The following ZNF444 variants were observed in gnomAD, a reference collection of about 807,000 sequenced individuals.
ZNF444 encodes zinc finger protein 444.
A neutral mutation model predicts 14.4 loss-of-function variants in ZNF444; 8 were observed. That is an observed-to-expected ratio of 0.56 (90% CI 0.33 to 1.00). The LOEUF (loss-of-function observed/expected upper bound fraction) is 1.00, where lower values mean the gene tolerates loss of function less well. ZNF444 is among the 50% of genes least tolerant of loss of function. The pLI, the probability that ZNF444 is intolerant of heterozygous loss-of-function variation, is 0.03. For missense variants in ZNF444, 510 were observed against 504.8 expected, an observed-to-expected ratio of 1.01 and a Z score of -0.10; for synonymous variants, 258 against 235.9, an observed-to-expected ratio of 1.09 and a Z score of -0.86.
intron 3 of ZNF444, chr19:56,156,383 C>G (rs1016043284): frequency 2.6e-5 from 4 of 152,188 alleles, no homozygotes; most frequent in African/African-American, 9.7e-5. Context: ...CGGGTGTGAT[C>G]GAATCCGAGT....
rs1555784078 is a variant in ZNF444 at position 56,159,911 on chromosome 19, AG to A, written c.695del (p.Ser232ThrfsTer80). 7.3e-7 allele frequency: 1 copy of A among 1,376,368 alleles called. No individual in the cohort carries two copies. The allele number at this position is 1,376,368 out of a possible 1,614,324, so 85.3% of individuals were successfully genotyped here. ...GCGCCACCGCGACACGCACCCCGGCAGCCCCGGCAGCCCCGGGCCCGCGCTG... is the reference window on the plus strand; with the variant it reads ...GCGCCACCGCGACACGCACCCCGGCACCCCGGCAGCCCCGGGCCCGCGCTG... ...LRRHRDTHPG[S>X]PGSPGPALRP... On this transcript the variant is annotated frameshift_variant, in exon 5 of 5. Transcript: ENST00000337080. LOFTEE classifies it low-confidence loss of function (END_TRUNC).
rs563970621 is a variant in ZNF444 at position 56,134,274 on chromosome 19, C to T, written c.-197+1496C>T. On this transcript the variant is annotated intron_variant, in intron 1 of 2. Transcript: ENST00000587467. ...AATTATAGCAGAGCTACAAAGGAGC[C>T]GAGAAGCTAGAAGGTATGAGCTAAA... is the stretch of plus-strand genomic sequence containing the variant. Among the ~76,000 whole-genome samples the T allele has an allele frequency of 3.3e-5, 5 of 152,166 alleles. No individual in the cohort carries two copies. In the South Asian group the frequency reaches 8.3e-4, roughly 25 times the overall value.
chr19:56,142,918 G>T (rs998840024), intron 1 of ZNF444, among the ~76,000 whole-genome samples: 2 of 152,140 alleles, frequency 1.3e-5, no homozygotes, highest in Non-Finnish European at 2.9e-5. Flanking sequence ...CCCATTTGTG[G>T]CTCCTTCACT....
At position 56,159,602 on chromosome 19, in the gene ZNF444, C is replaced by T. The variant is rs774442673; in HGVS notation, c.407-22C>T. The T allele has an allele frequency of 1.0e-4, 145 of 1,423,658 alleles. No homozygotes were observed. In the African/African-American group the frequency reaches 1.0e-3, roughly 10 times the overall value. 88.2% of individuals were successfully genotyped at this position (1,423,658 alleles called of 1,614,324 possible). A position where few individuals can be genotyped will look rare whatever the true frequency, so the allele number is the denominator to read the frequency against. ...CCCCGCCCTCGTGCCGACCCAGATG[C>T]TGACTCTCTTTCTTTTCCCAGCAGG... On this transcript the variant is annotated intron_variant, in intron 4 of 4. Coordinates refer to ENST00000337080, the MANE Select transcript of ZNF444 (RefSeq NM_018337.4).
intron 3 of ZNF444, chr19:56,154,594 C>G (rs1721370570): frequency 6.6e-6 from 1 of 150,954 alleles, no homozygotes; most frequent in Non-Finnish European, 1.5e-5. Context: ...CCCCCACCCC[C>G]ACCCCCAACC....
In ZNF444 at chr19:56,147,310, T is replaced by C; in HGVS notation, c.297+102T>C. ...GCACCACTGAACCCCTGAAAACCAG[T>C]GTGACTCGCGGTGGGGAGGCTGCGG... On this transcript the variant is annotated intron_variant, in intron 3 of 4. Coordinates refer to ENST00000337080, the MANE Select transcript of ZNF444 (RefSeq NM_018337.4). This position sits in a 1 kb window ranked among gnomAD's most constrained non-coding sequence, Gnocchi z 5.9. The C allele has an allele frequency of 1.5e-6, 2 of 1,303,454 alleles. No homozygotes were observed. Among genetic ancestry groups the C allele is most frequent in the Non-Finnish European group, 2.0e-6 (2 of 1,008,436 alleles). The allele number at this position is 1,303,454 out of a possible 1,614,324, so 80.7% of individuals were successfully genotyped here.
rs768929499 is a variant in ZNF444 at position 56,160,054 on chromosome 19, C to T, written c.837C>T (p.Ala279=). The part of the protein sequence containing the change: ...RKTHSGARPF[A]CWECGKGFGR... ...CGCACTCGGGAGCGCGGCCCTTTGC[C>T]TGCTGGGAGTGTGGCAAGGGCTTCG... Residue 279 remains alanine, a synonymous_variant, in exon 5 of 5, where the codon GCC becomes GCT. Transcript: ENST00000337080. The T allele has an allele frequency of 2.7e-6, 4 of 1,506,312 alleles. No homozygotes were observed. The highest frequency in any genetic ancestry group is 2.4e-5 in the South Asian group (2 of 81,868). The allele number at this position is 1,506,312 out of a possible 1,614,324, so 93.3% of individuals were successfully genotyped here. A position where few individuals can be genotyped will look rare whatever the true frequency, so the allele number is the denominator to read the frequency against.
At position 56,159,658 on chromosome 19, in the gene ZNF444, T is replaced by C; in HGVS notation, c.441T>C (p.Pro147=). The change falls in exon 5 of 5, where the codon CCT becomes CCC. Residue 147 remains proline, a synonymous_variant. Transcript: ENST00000337080. The part of the protein sequence containing the change: ...GTAPGAEGPA[P]GDSQAVRPYK... ...CCCCTGGGGCTGAGGGGCCGGCGCC[T>C]GGGGACTCCCAGGCTGTGCGCCCCT... The C allele has an allele frequency of 2.0e-6, 3 of 1,471,208 alleles. No individual in the cohort carries two copies. The South Asian group carries it at 3.9e-5, about 19-fold the overall frequency. The allele number at this position is 1,471,208 out of a possible 1,614,324, so 91.1% of individuals were successfully genotyped here. A position where few individuals can be genotyped will look rare whatever the true frequency, so the allele number is the denominator to read the frequency against.
chr19:56,150,702 T>C (rs567935782), intron 3 of ZNF444, among the ~76,000 whole-genome samples: 9 of 152,380 alleles, frequency 5.9e-5, no homozygotes, highest in East Asian at 1.9e-4. Flanking sequence ...GCGATAGCCA[T>C]TGTAGCTGAC....
chr19:56,153,884 T>C (rs746371099), intron 3 of ZNF444, among the ~76,000 whole-genome samples: 1 of 152,140 alleles, frequency 6.6e-6, no homozygotes, highest in South Asian at 2.1e-4. Context: ...AGCTGTTCAA[T>C]GTAGAAGCCA....
chr19:56,138,845 G>A (rs1364638602), upstream of ZNF444, among the ~76,000 whole-genome samples: 2 of 125,846 alleles, frequency 1.6e-5, no homozygotes, highest in Non-Finnish European at 3.2e-5. Flanking sequence ...TGCCCGGACT[G>A]AAGTGCAGCG....
chr19:56,140,685 CAAA>C (rs3834637), upstream of ZNF444, among the ~76,000 whole-genome samples: 2 of 150,158 alleles, frequency 1.3e-5, no homozygotes, highest in African/African-American at 4.9e-5. Context: ...AGAGGGAGGA[CAAA>C]AAAAAATGCG....
intron 1 of ZNF444, among the ~76,000 whole-genome samples, chr19:56,132,948 T>C (rs1599977634): frequency 7.5e-6 from 1 of 133,622 alleles, no homozygotes; most frequent in Admixed American, 7.5e-5. Context: ...TTTTTTTTTT[T>C]TTTTTTTGAG....
In ZNF444 at chr19:56,158,448, G is replaced by A. The variant is rs2032040229; in HGVS notation, c.298-46G>A. On this transcript the variant is annotated intron_variant, in intron 3 of 4. Transcript: ENST00000337080. ...GGTGGTTGGGAGAGGGAGAAATAGA[G>A]GCCCTTGCTCAGGTTTCTGAGTTCA... is the stretch of plus-strand genomic sequence containing the variant. The A allele has an allele frequency of 4.6e-6, 7 of 1,524,456 alleles. No individual in the cohort carries two copies. In the East Asian group the frequency reaches 1.2e-4, roughly 26 times the overall value. 94.4% of individuals were successfully genotyped at this position (1,524,456 alleles called of 1,614,324 possible).
At chr19:56,132,626 G>C (rs1380825194) in exon 1 of ZNF444, 6 of 152,212 alleles carry the variant, frequency 3.9e-5, no homozygotes, top group Admixed American at 6.5e-5. Flanking sequence ...TCCAACCGGA[G>C]AGATTTCTCT....
chr19:56,148,387 C>T (rs2031340743), intron 3 of ZNF444, among the ~76,000 whole-genome samples: 1 of 152,080 alleles, frequency 6.6e-6, no homozygotes, highest in Non-Finnish European at 1.5e-5. Context: ...GCGTGTTCCT[C>T]ATAAGTGCGT....
upstream of ZNF444, chr19:56,141,119 C>A (rs1471690753): frequency 6.6e-6 from 1 of 151,866 alleles, no homozygotes; most frequent in African/African-American, 2.4e-5. Context: ...AGGCGGTCCC[C>A]AGGCGAGGGC....
At chr19:56,156,144 T>C (rs868745350) in intron 3 of ZNF444, 1 of 152,242 alleles carries the variant, frequency 6.6e-6, no homozygotes, top group African/African-American at 2.4e-5. Context: ...GAGAGCCACG[T>C]ATGGTGAGGT....
At chr19:56,137,106 T>C (rs553049068), upstream of ZNF444, among the ~76,000 whole-genome samples, 166 of 151,170 alleles carry the variant, frequency 1.1e-3, no homozygotes, top group African/African-American at 3.9e-3. Context: ...TCTAACAAGC[T>C]CCCAGGTGAT....
Sources: gnomAD v4.1 joint callset for allele counts (sites outside exome capture counted in the v4.1 genomes callset) on GRCh38, gnomAD v4.1.1 for gene constraint, Gnocchi (gnomAD v3.1) non-coding constraint, MANE v1.5 for transcripts, NCBI Gene and HGNC (gene_info 2026-07-23, HGNC 2026-07-21) for gene names.